SLC9A4: variants seen among roughly 807,000 people sequenced by gnomAD.
The protein encoded by SLC9A4 is sodium/hydrogen exchanger 4.
In SLC9A4, 63 loss-of-function variants were observed where a neutral mutation model predicts 67.4. The observed-to-expected ratio is 0.93, with a 90% confidence interval of 0.76 to 1.15. The LOEUF is 1.15. Among genes scored for constraint, SLC9A4 ranks in the 50% most tolerant of loss-of-function variants. The pLI is 0.00. For missense variants in SLC9A4, 1,089 were observed against 987.7 expected (o/e 1.10, Z -1.38); for synonymous variants, 393 against 367.2 (o/e 1.07, Z -0.80).
At chr2:102,480,174 ACCT>A (rs1205349801) in intron 2 of SLC9A4, among the ~76,000 whole-genome samples, 1 of 151,682 alleles carries the variant, frequency 6.6e-6, no homozygotes, top group African/African-American at 2.4e-5. Context: ...GCTTGCCCTC[ACCT>A]CCTCCTCTAT....
Position 102,478,939 on chromosome 2 carries a change from C to T in SLC9A4, c.357C>T (p.His119=), listed in dbSNP as rs746162732. Residue 119 remains histidine (H), a synonymous_variant, in exon 2 of 12, where the codon CAC becomes CAT. Transcript: ENST00000295269. Reference sequence around the variant, plus strand: ...GCGGCATCATCTTCGGCACCGACCACAAATCGCCTCCGGTCATGGACTCCA... The same window carrying T: ...GCGGCATCATCTTCGGCACCGACCATAAATCGCCTCCGGTCATGGACTCCA... The part of the protein sequence containing the change: ...LVGGIIFGTD[H]KSPPVMDSSI... 1 of 1,614,114 alleles carries T rather than the reference C, an allele frequency of 6.2e-7. No homozygotes were observed. Among genetic ancestry groups the T allele is most frequent in the South Asian group, 1.1e-5 (1 of 91,084 alleles).
chr2:102,482,970 G>T (rs1251235210), intron 2 of SLC9A4, among the ~76,000 whole-genome samples: 3 of 152,204 alleles, frequency 2.0e-5, no homozygotes, highest in Admixed American at 1.3e-4. Flanking sequence ...GTTGTCTCTA[G>T]ATTTCACATG....
intron 2 of SLC9A4, among the ~76,000 whole-genome samples, chr2:102,490,890 T>C (rs1684684296): frequency 6.6e-6 from 1 of 152,232 alleles, no homozygotes; most frequent in South Asian, 2.1e-4. Flanking sequence ...TCTCCCTTCA[T>C]AATGTTTACT....
rs780148420 is a variant in SLC9A4, at chr2:102,514,194, C to T, written c.1664C>T (p.Ala555Val). 1.9e-6 allele frequency: 3 copies of T among 1,614,006 alleles called. No individual in the cohort carries two copies. Among genetic ancestry groups the T allele is most frequent in the Admixed American group, 3.3e-5 (2 of 60,004 alleles). The change falls in exon 8 of 12, where the codon GCC (alanine) becomes GTC (valine). Residue 555 changes from alanine to valine, a missense_variant. Physicochemically the swap from Ala to Val is moderately conservative, Grantham distance 64. Coordinates refer to ENST00000295269, the MANE Select transcript of SLC9A4 (RefSeq NM_001011552.4). ...TACAAGAAGCTGGAAATGAAGCAAG[C>T]CATCGAGATGGTGGAGACTGGGATA... ...SLYKKLEMKQ[A>V]IEMVETGILS... is the part of the protein sequence containing the mutation.
chr2:102,490,220 C>T (rs536688312), intron 2 of SLC9A4, among the ~76,000 whole-genome samples: 7 of 152,168 alleles, frequency 4.6e-5, no homozygotes, highest in Admixed American at 1.3e-4. Context: ...ATATGCAAGG[C>T]GATGAGGAAG....
At chr2:102,510,684 C>T (rs991443455) in intron 6 of SLC9A4, among the ~76,000 whole-genome samples, 2 of 152,206 alleles carry the variant, frequency 1.3e-5, no homozygotes, top group African/African-American at 4.8e-5. Flanking sequence ...CAAAATTGTC[C>T]TGTTTGTTTC....
rs774373026 is a variant in SLC9A4 at position 102,479,031 on chromosome 2, C to A, written c.449C>A (p.Pro150His). 2.5e-6 allele frequency: 4 copies of A among 1,614,220 alleles called. No individual in the cohort carries two copies. In the South Asian group the frequency reaches 3.3e-5, roughly 13 times the overall value. Reference sequence around the variant, plus strand: ...GGCGGCTACTTCATGCCCACCCGGCCCTTCTTTGAGAACATCGGCTCCATC... The same window carrying A: ...GGCGGCTACTTCATGCCCACCCGGCACTTCTTTGAGAACATCGGCTCCATC... ...LEGGYFMPTRPFFENIGSILW... is the reference protein window; with the variant it reads ...LEGGYFMPTRHFFENIGSILW... Residue 150 changes from proline (P) to histidine (H), a missense_variant, in exon 2 of 12, where the codon CCC (proline) becomes CAC (histidine). Coordinates refer to ENST00000295269, the MANE Select transcript of SLC9A4 (RefSeq NM_001011552.4).
chr2:102,518,736 G>A (rs972699353), intron 8 of SLC9A4, among the ~76,000 whole-genome samples: 1 of 152,174 alleles, frequency 6.6e-6, no homozygotes, highest in Middle Eastern at 3.4e-3. Flanking sequence ...ATACTTAAAA[G>A]GTGGCCTGTA....
chr2:102,479,331 C>A (rs1558658646), intron 2 of SLC9A4, 29 bp downstream of exon 2: 13 of 1,574,518 alleles, frequency 8.3e-6, no homozygotes, highest in Non-Finnish European at 1.1e-5. Context: ...GCCCGGCTTC[C>A]GGGGGAGATG....
At chr2:102,487,178 G>GGTGTGT (rs55756786) in intron 2 of SLC9A4, among the ~76,000 whole-genome samples, 36,989 of 149,084 alleles carry the variant, frequency 0.25, 5,589 homozygotes, top group Non-Finnish European at 0.34. Context: ...GCTCACAGCT[G>GGTGTGT]GTGTGTGTGT....
intron 8 of SLC9A4, 113 bp from the exon 9 acceptor site, chr2:102,519,746 G>A: frequency 1.2e-6 from 1 of 845,708 alleles, no homozygotes; most frequent in Non-Finnish European, 1.7e-6. Context: ...TTATATGTAG[G>A]ATTCTGGAAC....
intron 9 of SLC9A4, among the ~76,000 whole-genome samples, chr2:102,522,002 C>T (rs922137554): frequency 5.9e-5 from 9 of 152,274 alleles, no homozygotes; most frequent in Middle Eastern, 3.4e-3. Flanking sequence ...ACTCAGTACA[C>T]CCAGGACAGA....
At chr2:102,496,503 G>GT (rs906559672) in intron 2 of SLC9A4, among the ~76,000 whole-genome samples, 1 of 152,198 alleles carries the variant, frequency 6.6e-6, no homozygotes, top group African/African-American at 2.4e-5. Context: ...GATATACCTA[G>GT]TTTTTTAGAA....
In SLC9A4 at chr2:102,508,172, G is replaced by A; in HGVS notation, c.1292G>A (p.Gly431Glu). 1 of 1,614,162 alleles carries A rather than the reference G, an allele frequency of 6.2e-7. No homozygotes were observed. Among genetic ancestry groups the A allele is most frequent in the Non-Finnish European group, 8.5e-7 (1 of 1,180,028 alleles). ...ATCATTTTCTACAGTGGTGTTCGAG[G>A]AGCTGGAAGTTTTTCACTTGCATTT... The part of the protein sequence containing the change: ...QCIIFYSGVR[G>E]AGSFSLAFLL... The change falls in exon 5 of 12, where the codon GGA becomes GAA. Residue 431 changes from glycine to glutamate, a missense_variant. Transcript: ENST00000295269.
chr2:102,504,303 T>C (rs1573342873), intron 3 of SLC9A4, among the ~76,000 whole-genome samples: 1 of 152,124 alleles, frequency 6.6e-6, no homozygotes, highest in Non-Finnish European at 1.5e-5. Context: ...CTGCCCGCCT[T>C]GGCCTCCCAA....
chr2:102,503,736 T>C (rs1422258220), intron 3 of SLC9A4, 29 bp downstream of exon 3: 12 of 1,607,730 alleles, frequency 7.5e-6, no homozygotes, highest in Non-Finnish European at 9.4e-6. Context: ...TCAAGTCACA[T>C]AGTAATAGAA....
At chr2:102,502,721 A>G (rs984813727) in intron 2 of SLC9A4, among the ~76,000 whole-genome samples, 1 of 152,228 alleles carries the variant, frequency 6.6e-6, no homozygotes, top group African/African-American at 2.4e-5. Flanking sequence ...TCAGTCAGCA[A>G]TCCCTGTGCC....
chr2:102,529,839 G>A (rs940206518), intron 11 of SLC9A4, among the ~76,000 whole-genome samples: 1 of 152,282 alleles, frequency 6.6e-6, no homozygotes, highest in Non-Finnish European at 1.5e-5. Flanking sequence ...GGAGCTCCAT[G>A]CTGGTTTGGG....
chr2:102,475,817 T>C (rs1684318699), intron 1 of SLC9A4, among the ~76,000 whole-genome samples: 1 of 152,216 alleles, frequency 6.6e-6, no homozygotes, highest in South Asian at 2.1e-4. Flanking sequence ...GTTTTATGTA[T>C]AAGGGCTTGT....
Sources: gnomAD v4.1 joint callset for allele counts (sites outside exome capture counted in the v4.1 genomes callset) on GRCh38, gnomAD v4.1.1 for gene constraint, MANE v1.5 for transcripts, NCBI Gene and HGNC (gene_info 2026-07-23, HGNC 2026-07-21) for gene names.